Variants in FAM135A observed in about 807,000 individuals in gnomAD.
FAM135A encodes the protein family with sequence similarity 135 member A.
A neutral mutation model predicts 146.8 loss-of-function variants in FAM135A; 79 were observed. The ratio of observed to expected loss-of-function variants is 0.54; its 90% confidence interval spans 0.45 to 0.65. FAM135A has a LOEUF of 0.65. Ranked by LOEUF, FAM135A falls within the 30% of genes least tolerant of loss-of-function variation. The pLI, the probability that FAM135A is intolerant of heterozygous loss-of-function variation, is 0.00. For missense variants in FAM135A, 1,623 were observed against 1,758.2 expected, an observed-to-expected ratio of 0.92 and a Z score of 1.38; for synonymous variants, 562 against 603.6, an observed-to-expected ratio of 0.93 and a Z score of 1.01.
intron 2 of FAM135A, among the ~76,000 whole-genome samples, chr6:70,419,784 G>C (rs1768389752): frequency 6.6e-6 from 1 of 152,188 alleles, no homozygotes; most frequent in Non-Finnish European, 1.5e-5. Flanking sequence ...TCATTACATT[G>C]AATGAACATT....
chr6:70,465,481 G>T (rs1218399157), intron 5 of FAM135A, among the ~76,000 whole-genome samples: 2 of 152,002 alleles, frequency 1.3e-5, no homozygotes, highest in Admixed American at 6.6e-5. Context: ...GAGTGCAGGG[G>T]TGCAATCAAG....
intron 17 of FAM135A, 120 bp from the exon 18 acceptor site, chr6:70,533,637 T>C (rs1796240332): frequency 1.5e-6 from 1 of 650,122 alleles, no homozygotes; most frequent in African/African-American, 1.9e-5. Context: ...CTAACTTCTC[T>C]ATAAAACATT....
At chr6:70,485,866 C>T (rs1784523892) in intron 10 of FAM135A, among the ~76,000 whole-genome samples, 1 of 152,164 alleles carries the variant, frequency 6.6e-6, no homozygotes, top group African/African-American at 2.4e-5. Context: ...CCTATATGAA[C>T]CCCAATATCT....
At chr6:70,522,443 T>G (rs769217613) in intron 12 of FAM135A, 70 bp from the exon 13 acceptor site, 1 of 1,384,226 alleles carries the variant, frequency 7.2e-7, no homozygotes, top group East Asian at 2.3e-5. Context: ...GTTTCTCTCC[T>G]TACCATAAGA....
At chr6:70,437,146 A>G (rs1361269072) in intron 4 of FAM135A, among the ~76,000 whole-genome samples, 1 of 152,162 alleles carries the variant, frequency 6.6e-6, no homozygotes, top group Admixed American at 6.5e-5. Flanking sequence ...TATGTAACTT[A>G]TGAAACAATT....
At chr6:70,433,098 C>T (rs1372197815) in intron 4 of FAM135A, among the ~76,000 whole-genome samples, 1 of 146,302 alleles carries the variant, frequency 6.8e-6, no homozygotes, top group Non-Finnish European at 1.5e-5. Context: ...TTTTTTAAGA[C>T]AGTCTTTGCT....
At chr6:70,529,838 G>A (rs919611267) in intron 16 of FAM135A, among the ~76,000 whole-genome samples, 7 of 151,992 alleles carry the variant, frequency 4.6e-5, no homozygotes, top group African/African-American at 7.3e-5. Context: ...TGAGATGGGC[G>A]GATCACAAGG....
In FAM135A at chr6:70,437,873, T is replaced by G. The variant is rs540776847; in HGVS notation, c.77+9454T>G. On this transcript the variant is annotated intron_variant, in intron 4 of 21. Coordinates refer to ENST00000418814, the MANE Select transcript of FAM135A (RefSeq NM_001162529.3). ...GAGTTGCTTTATTTCTCTATATTTA[T>G]TAATAAAACATGGAACGGGAGAATG... Among the ~76,000 whole-genome samples the G allele has an allele frequency of 8.5e-5, 13 of 152,276 alleles. No individual in the cohort carries two copies. In the South Asian group the frequency reaches 1.2e-3, roughly 15 times the overall value.
intron 5 of FAM135A, among the ~76,000 whole-genome samples, chr6:70,457,311 A>C (rs1582255323): frequency 1.3e-5 from 2 of 152,304 alleles, no homozygotes; most frequent in East Asian, 3.9e-4. Context: ...ATTATATTTG[A>C]TAGTGACAGG....
chr6:70,486,019 G>T (rs558481533), intron 10 of FAM135A: 5 of 539,926 alleles, frequency 9.3e-6, no homozygotes, highest in Non-Finnish European at 1.6e-5. Flanking sequence ...ATACTTGAAT[G>T]TACATCATTT....
chr6:70,472,657 T>C (rs1781844750), intron 5 of FAM135A, among the ~76,000 whole-genome samples: 1 of 152,198 alleles, frequency 6.6e-6, no homozygotes, highest in African/African-American at 2.4e-5. Context: ...TCATATATTG[T>C]AATTAATTGT....
At chr6:70,510,773 G>T (rs1411804108) in intron 12 of FAM135A, among the ~76,000 whole-genome samples, 1 of 151,824 alleles carries the variant, frequency 6.6e-6, no homozygotes, top group South Asian at 2.1e-4. Flanking sequence ...AGTTATTTGG[G>T]GTATATACCT....
chr6:70,526,402 A>G lies in FAM135A; in HGVS notation c.3318A>G (p.Ser1106=). 1 of 1,613,670 alleles carries G rather than the reference A, an allele frequency of 6.2e-7. No homozygotes were observed. The highest frequency in any genetic ancestry group is 8.5e-7 in the Non-Finnish European group (1 of 1,179,694). The stretch of plus-strand genomic sequence containing the variant: ...GGTACTATGAAGAAACAGATTATTC[A>G]GCTTTGGATGGAACAATAAATGCTC... ...QNGYYEETDY[S]ALDGTINAHY... is the part of the protein sequence containing the mutation. The change falls in exon 15 of 22, where the codon TCA becomes TCG. Residue 1106 remains serine, a synonymous_variant. Coordinates refer to ENST00000418814, the MANE Select transcript of FAM135A (RefSeq NM_001162529.3).
chr6:70,471,756 A>AATT, intron 5 of FAM135A, among the ~76,000 whole-genome samples: 1 of 152,230 alleles, frequency 6.6e-6, no homozygotes, highest in East Asian at 1.9e-4. Flanking sequence ...AATTCAAATT[A>AATT]CAGATGGATT....
chr6:70,427,613 A>G lies in FAM135A; in HGVS notation c.-39-691A>G, dbSNP rs952847427. Among the ~76,000 whole-genome samples the G allele has an allele frequency of 1.7e-4, 26 of 152,146 alleles. 1 individual carries two copies. Among genetic ancestry groups the G allele is most frequent in the Non-Finnish European group, 5.9e-5 (4 of 68,010 alleles). ...CACTGAATAATTAAGTGAAATAAGCAGATGATAAAATGTACATGTGGTTTG... is the reference window on the plus strand; with the variant it reads ...CACTGAATAATTAAGTGAAATAAGCGGATGATAAAATGTACATGTGGTTTG... On this transcript the variant is annotated intron_variant, in intron 3 of 21. Transcript: ENST00000418814.
rs1562489380 is a variant in FAM135A, at chr6:70,477,344, T to C, written c.542+12T>C. 6.2e-7 allele frequency: 1 copy of C among 1,610,744 alleles called. No individual in the cohort carries two copies. The highest frequency in any genetic ancestry group is 2.2e-5 in the East Asian group (1 of 44,784). On this transcript the variant is annotated intron_variant, in intron 8 of 21. Coordinates refer to ENST00000418814, the MANE Select transcript of FAM135A (RefSeq NM_001162529.3). ...CAGCCACTAATAAGGTAAATTTGAC[T>C]AATATTTTTGTATTAAGCCATTCTT...
At chr6:70,558,832 A>G (rs1204302708) in intron 21 of FAM135A, among the ~76,000 whole-genome samples, 1 of 152,198 alleles carries the variant, frequency 6.6e-6, no homozygotes, top group Non-Finnish European at 1.5e-5. Context: ...AAACAAAAAA[A>G]GAAAACAAAA....
At chr6:70,462,717 A>G (rs1006663745) in intron 5 of FAM135A, among the ~76,000 whole-genome samples, 6 of 152,022 alleles carry the variant, frequency 3.9e-5, no homozygotes, top group Admixed American at 3.3e-4. Context: ...GTGTGTATAT[A>G]TGTATTTCAT....
intron 4 of FAM135A, among the ~76,000 whole-genome samples, chr6:70,432,722 T>C (rs1472846127): frequency 6.6e-6 from 1 of 152,062 alleles, no homozygotes; most frequent in African/African-American, 2.4e-5. Flanking sequence ...ATATCTCTTT[T>C]TTCTGATTAA....
Sources: allele counts gnomAD v4.1 joint callset (sites outside exome capture counted in the v4.1 genomes callset), GRCh38; gene constraint gnomAD v4.1.1; transcripts MANE v1.5; gene names NCBI Gene and HGNC (gene_info 2026-07-23, HGNC 2026-07-21).